EP400: variants seen among roughly 807,000 people sequenced by gnomAD.
EP400 encodes E1A binding protein p400, also known as E1A-binding protein p400.
EP400 carries 105 observed loss-of-function variants against 354.1 expected under a neutral mutation model. The observed-to-expected ratio is 0.30, with a 90% confidence interval of 0.25 to 0.35. The LOEUF is 0.35. Ranked by LOEUF, EP400 falls within the 10% of genes least tolerant of loss-of-function variation. EP400 has a pLI of 1.00. For synonymous variants in EP400, 1,646 were observed against 1,716.9 expected (o/e 0.96, Z 1.02); for missense variants, 3,280 against 4,121.0 (o/e 0.80, Z 5.59).
chr12:131,973,512 G>A (rs987130618), intron 2 of EP400, among the ~76,000 whole-genome samples: 18 of 152,144 alleles, frequency 1.2e-4, no homozygotes, highest in African/African-American at 3.4e-4. Flanking sequence ...GTGTGGTGGC[G>A]TGTTCCCGTA....
intron 39 of EP400, among the ~76,000 whole-genome samples, chr12:132,048,258 A>G (rs1363746020): frequency 6.6e-6 from 1 of 152,240 alleles, no homozygotes; most frequent in African/African-American, 2.4e-5. Context: ...TGACTGGGGA[A>G]GTGATAAGTG....
At chr12:131,968,568 T>TTG (rs1892180033) in intron 2 of EP400, among the ~76,000 whole-genome samples, 1 of 152,238 alleles carries the variant, frequency 6.6e-6, no homozygotes, top group Non-Finnish European at 1.5e-5. Context: ...CTTTCCCTTT[T>TTG]TGTATACATT....
Position 131,960,717 on chromosome 12 carries a change from A to ACACCCCCCCCCC in EP400, c.99_100insACCCCCCCCCCC (p.Asn33_Pro34insThrProProPro). ...GGTGAGGAGCAGCCGGCCCACCCCA[A>ACACCCCCCCCCC]CCCACCCCCGTCCCCCGCAGCTCCC... On this transcript the variant is annotated inframe_insertion, in exon 2 of 53. Transcript: ENST00000389561. The ACACCCCCCCCCC allele has an allele frequency of 5.1e-6, 1 of 196,114 alleles. No individual in the cohort carries two copies. The allele number at this position is 196,114 out of a possible 1,614,324, so 12.1% of individuals were successfully genotyped here. A position where few individuals can be genotyped will look rare whatever the true frequency, so the allele number is the denominator to read the frequency against.
chr12:131,987,189 C>T (rs545265132), intron 6 of EP400, among the ~76,000 whole-genome samples: 1 of 152,186 alleles, frequency 6.6e-6, no homozygotes, highest in Non-Finnish European at 1.5e-5. Context: ...TTAGCACTTA[C>T]TTTGGGTTGG....
At chr12:132,045,260 G>A (rs1895052653) in intron 37 of EP400, 59 bp from the exon 38 acceptor site, 1 of 1,591,600 alleles carries the variant, frequency 6.3e-7, no homozygotes, top group Non-Finnish European at 8.6e-7. Context: ...TTTGTCTTTT[G>A]CCTGCCCGTG....
intron 48 of EP400, chr12:132,065,464 C>G (rs1282870453): frequency 3.9e-5 from 6 of 155,704 alleles, no homozygotes; most frequent in Admixed American, 6.2e-5. Context: ...TGGAGGCTCA[C>G]CCTGAGCTAG....
chr12:131,982,224 G>A lies in EP400; in HGVS notation c.1675G>A (p.Gly559Arg), dbSNP rs761256166. The A allele has an allele frequency of 5.6e-6, 9 of 1,613,976 alleles. No homozygotes were observed. The highest frequency in any genetic ancestry group is 2.2e-5 in the East Asian group (1 of 44,884). ...GCACACCCCACTGCCGCAGCTGCCC[G>A]GGAGGCTGCCCCCAGCCGGTGTTCC... ...SLHTPLPQLP[G>R]RLPPAGVPTA... Residue 559 changes from glycine (G) to arginine (R), a missense_variant, in exon 5 of 53, where the codon GGG becomes AGG. Transcript: ENST00000389561.
intron 29 of EP400, among the ~76,000 whole-genome samples, 195 bp from the exon 30 acceptor site, chr12:132,031,758 T>A (rs1308609424): frequency 6.6e-6 from 1 of 152,148 alleles, no homozygotes; most frequent in South Asian, 2.1e-4. Flanking sequence ...GGTTTCGCCA[T>A]GTTAGCCAGG....
chr12:132,018,120 G>C lies in EP400; in HGVS notation c.4111-90G>C. On this transcript the variant is annotated intron_variant, in intron 20 of 52. Coordinates refer to ENST00000389561, the MANE Select transcript of EP400 (RefSeq NM_015409.5). This position sits in a 1 kb window ranked among gnomAD's most constrained non-coding sequence, Gnocchi z 4.0. ...AGAGGGGGCGCGTCTGGATGCCCACGTTAGGGCCCTGCCATAGAAATCAGT... is the reference window on the plus strand; with the variant it reads ...AGAGGGGGCGCGTCTGGATGCCCACCTTAGGGCCCTGCCATAGAAATCAGT... The C allele has an allele frequency of 6.4e-6, 10 of 1,552,974 alleles. No individual in the cohort carries two copies. The highest frequency in any genetic ancestry group is 8.7e-6 in the Non-Finnish European group (10 of 1,144,908).
At chr12:132,053,618 G>A (rs777692205) in intron 43 of EP400, 21 bp downstream of exon 43, 5 of 1,501,750 alleles carry the variant, frequency 3.3e-6, no homozygotes, top group Non-Finnish European at 3.5e-6. Context: ...GCCTCCTCCC[G>A]GGCTTCCCCT....
At chr12:131,968,864 A>T (rs888515359) in intron 2 of EP400, among the ~76,000 whole-genome samples, 1 of 152,156 alleles carries the variant, frequency 6.6e-6, no homozygotes, top group Non-Finnish European at 1.5e-5. Context: ...GTTTATTGTA[A>T]GTATATAGGT....
rs1893975378 is a variant in EP400 at position 132,017,280 on chromosome 12, G to A, written c.3924-255G>A. Among the ~76,000 whole-genome samples, 1 of 152,244 alleles carries A rather than the reference G, an allele frequency of 6.6e-6. No homozygotes were observed. The highest frequency in any genetic ancestry group is 2.4e-5 in the African/African-American group (1 of 41,460). On this transcript the variant is annotated intron_variant, in intron 19 of 52. Transcript: ENST00000389561. The surrounding 1 kb of genome is among the most constrained non-coding windows in gnomAD (Gnocchi z 5.0). ...CTCTTTCAGAGCACTCGGTATGATT[G>A]TGAATGAAGTGGAGTGGCTGTCTTT...
chr12:132,062,296 CG>C lies in EP400; in HGVS notation c.8073del (p.Ser2692LeufsTer85). ...TNLTPVQTPARSLVPQVSQAT... is the reference protein window; with the variant it reads ...TNLTPVQTPAXSLVPQVSQAT... The stretch of plus-strand genomic sequence containing the variant: ...CCTGACCCCAGTGCAGACCCCGGCA[CG>C]GTCTTTGGTGCCCCAAGTGTCCCAA... On this transcript the variant is annotated frameshift_variant, in exon 46 of 53. Transcript: ENST00000389561. LOFTEE classifies it high-confidence loss of function. 6.2e-7 allele frequency: 1 copy of C among 1,614,196 alleles called. No homozygotes were observed. The highest frequency in any genetic ancestry group is 8.5e-7 in the Non-Finnish European group (1 of 1,180,032).
intron 2 of EP400, among the ~76,000 whole-genome samples, chr12:131,966,078 G>C (rs80294421): frequency 0.013 from 1,960 of 152,182 alleles, 29 homozygotes; most frequent in East Asian, 0.041. Context: ...CAGATTTCTG[G>C]GTATGTTGAA....
At chr12:131,996,872 G>A (rs2136511642) in intron 12 of EP400, among the ~76,000 whole-genome samples, 1 of 152,118 alleles carries the variant, frequency 6.6e-6, no homozygotes, top group South Asian at 2.1e-4. Flanking sequence ...ATGAATTCTT[G>A]GTCAGTTCTG....
intron 1 of EP400, among the ~76,000 whole-genome samples, chr12:131,958,746 CCT>C (rs1891784243): frequency 1.3e-5 from 2 of 152,148 alleles, no homozygotes; most frequent in South Asian, 4.1e-4. Context: ...GTCTTGTACA[CCT>C]GACCTCAAGT....
intron 2 of EP400, chr12:131,963,596 C>T (rs752099634): frequency 1.9e-5 from 31 of 1,598,284 alleles, no homozygotes; most frequent in Admixed American, 5.0e-5. Context: ...ACCCAGCTTC[C>T]GCCAAAGGTT....
At chr12:131,976,367 T>C (rs182094480) in intron 2 of EP400, among the ~76,000 whole-genome samples, 3 of 152,352 alleles carry the variant, frequency 2.0e-5, no homozygotes, top group Non-Finnish European at 2.9e-5. Context: ...GGTTCTGTTA[T>C]ATTCTTCTGA....
chr12:131,961,999 A>T, intron 2 of EP400, 45 bp downstream of exon 2: 1 of 1,557,052 alleles, frequency 6.4e-7, no homozygotes, highest in Non-Finnish European at 8.7e-7. Context: ...CTTCTAGATG[A>T]TCAGAGTCTA....
Sources: allele counts gnomAD v4.1 joint callset (sites outside exome capture counted in the v4.1 genomes callset), GRCh38; gene constraint gnomAD v4.1.1; non-coding constraint Gnocchi (gnomAD v3.1); transcripts MANE v1.5; gene names NCBI Gene and HGNC (gene_info 2026-07-23, HGNC 2026-07-21).